The following GALNT13 variants were observed in gnomAD, a reference collection of about 807,000 sequenced individuals.
The protein encoded by GALNT13 is UDP-GalNAc:polypeptide N-acetylgalactosaminyltransferase 13.
In GALNT13, 28 loss-of-function variants were observed where a neutral mutation model predicts 64.2. The observed-to-expected ratio is 0.44, with a 90% CI of 0.32 to 0.60. The LOEUF (loss-of-function observed/expected upper bound fraction) is 0.60, where lower values mean the gene tolerates loss of function less well. GALNT13 is among the 20% of genes least tolerant of loss of function. The probability of loss-of-function intolerance (pLI) is 0.05; values close to 1 mark genes in which losing one functional copy is unlikely to be tolerated. For synonymous variants in GALNT13, 214 were observed against 224.6 expected (o/e 0.95, Z 0.42); for missense variants, 577 against 669.8 (o/e 0.86, Z 1.53).
intron 4 of GALNT13, among the ~76,000 whole-genome samples, chr2:154,152,715 G>C (rs1684123410): frequency 6.6e-6 from 1 of 152,054 alleles, no homozygotes; most frequent in South Asian, 2.1e-4. Context: ...TCTTCCAGTT[G>C]ATCGCATCGG....
intron 2 of GALNT13, among the ~76,000 whole-genome samples, chr2:153,923,121 A>G (rs776823860): frequency 1.8e-4 from 28 of 152,098 alleles, no homozygotes; most frequent in Non-Finnish European, 3.8e-4. Context: ...GCTGGTCTCA[A>G]ACTCCTGACC....
Position 154,102,436 on chromosome 2 carries a change from C to T in GALNT13, c.143-37901C>T, listed in dbSNP as rs561686629. Reference sequence around the variant, plus strand: ...GACTACGTGACAACTTTAGTGCTAGCATAATTAGCATTTAAGAAAACCAGT... The same window carrying T: ...GACTACGTGACAACTTTAGTGCTAGTATAATTAGCATTTAAGAAAACCAGT... On this transcript the variant is annotated intron_variant, in intron 3 of 12. Transcript: ENST00000392825. 3.3e-5 allele frequency among the ~76,000 whole-genome samples: 5 copies of T among 152,226 alleles called. No homozygotes were observed. In the East Asian group the frequency reaches 9.7e-4, roughly 30 times the overall value.
intron 3 of GALNT13, among the ~76,000 whole-genome samples, chr2:154,138,184 T>A (rs1238465212): frequency 1.3e-5 from 2 of 152,116 alleles, no homozygotes; most frequent in African/African-American, 4.8e-5. Flanking sequence ...ACTGACAATT[T>A]ATTATTCTTT....
the GALNT13 span, among the ~76,000 whole-genome samples, chr2:153,806,084 T>A: frequency 6.6e-6 from 1 of 152,068 alleles, no homozygotes; most frequent in Non-Finnish European, 1.5e-5. Context: ...GACATCCAGG[T>A]AGTCTTAAAA....
At chr2:154,176,240 ATTATT>A (rs1685642038) in intron 4 of GALNT13, among the ~76,000 whole-genome samples, 2 of 132,750 alleles carry the variant, frequency 1.5e-5, no homozygotes, top group South Asian at 2.6e-4. Flanking sequence ...GAACATATAT[ATTATT>A]TATTTATTTA....
chr2:153,422,602 C>A, the GALNT13 span, among the ~76,000 whole-genome samples: 1 of 151,968 alleles, frequency 6.6e-6, no homozygotes, highest in African/African-American at 2.4e-5. Flanking sequence ...AAAGTTAATT[C>A]TTTTAAATAA....
chr2:153,623,364 GAAATATA>G, the GALNT13 span, among the ~76,000 whole-genome samples: 1 of 152,178 alleles, frequency 6.6e-6, no homozygotes, highest in East Asian at 1.9e-4. Context: ...TTAGCTTCTT[GAAATATA>G]AAATTGTAGT....
the GALNT13 span, among the ~76,000 whole-genome samples, chr2:153,520,472 G>GATTT: frequency 1.3e-5 from 2 of 152,144 alleles, no homozygotes; most frequent in Non-Finnish European, 2.9e-5. Flanking sequence ...AGAATCTAAA[G>GATTT]ATTTATTCAA....
the GALNT13 span, among the ~76,000 whole-genome samples, chr2:153,831,403 T>C: frequency 1.3e-5 from 2 of 152,320 alleles, no homozygotes; most frequent in East Asian, 3.9e-4. Context: ...TGGGGCTTGC[T>C]TCTTCTCATC....
At chr2:154,358,701 T>C (rs10175148) in intron 9 of GALNT13, among the ~76,000 whole-genome samples, 87,998 of 151,862 alleles carry the variant, frequency 0.58, 25,968 homozygotes, top group East Asian at 0.67. Flanking sequence ...GCTAATTTGA[T>C]TTACAAATGC....
At chr2:153,446,232 A>C in the GALNT13 span, among the ~76,000 whole-genome samples, 2 of 152,204 alleles carry the variant, frequency 1.3e-5, no homozygotes, top group South Asian at 4.1e-4. Flanking sequence ...GGCAGACATT[A>C]GTTTTGGTCA....
chr2:153,343,074 A>T, the GALNT13 span, among the ~76,000 whole-genome samples: 6 of 152,220 alleles, frequency 3.9e-5, no homozygotes, highest in Non-Finnish European at 8.8e-5. Flanking sequence ...CAAAATGTGT[A>T]ACGTTTGTCA....
chr2:153,864,496 T>C, the GALNT13 span, among the ~76,000 whole-genome samples: 6 of 152,162 alleles, frequency 3.9e-5, no homozygotes, highest in Non-Finnish European at 8.8e-5. Context: ...ATGCTTGTGA[T>C]TTTTGCACAT....
the GALNT13 span, among the ~76,000 whole-genome samples, chr2:153,203,634 A>G: frequency 3.3e-5 from 5 of 152,200 alleles, no homozygotes; most frequent in Non-Finnish European, 7.4e-5. Context: ...CACACTGTTA[A>G]TCTCTATGCT....
the GALNT13 span, among the ~76,000 whole-genome samples, chr2:153,275,837 G>GA: frequency 5.3e-5 from 8 of 150,582 alleles, no homozygotes; most frequent in South Asian, 2.1e-4. Flanking sequence ...TTGAAGAACA[G>GA]AAAAAAAAAG....
At chr2:153,306,417 A>G in the GALNT13 span, among the ~76,000 whole-genome samples, 2 of 152,218 alleles carry the variant, frequency 1.3e-5, no homozygotes, top group African/African-American at 4.8e-5. Context: ...GAAAATTTAG[A>G]ATTCAGTTTT....
chr2:154,443,576 A>C (rs1381178444), intron 12 of GALNT13, among the ~76,000 whole-genome samples: 1 of 152,068 alleles, frequency 6.6e-6, no homozygotes, highest in Non-Finnish European at 1.5e-5. Context: ...TCTTAAATCA[A>C]CTATGCAGTC....
In GALNT13 at chr2:154,416,025, G is replaced by A. The variant is rs188546617; in HGVS notation, c.1395+6943G>A. ...ATACATGCAAGCTAGAAGAAAGCAG[G>A]GTTACCACAACTTCTATAGAAACAG... is the stretch of plus-strand genomic sequence containing the variant. On this transcript the variant is annotated intron_variant, in intron 11 of 12. Transcript: ENST00000392825. 2.2e-4 allele frequency among the ~76,000 whole-genome samples: 33 copies of A among 152,126 alleles called. No homozygotes were observed. In the East Asian group the frequency reaches 4.7e-3, roughly 21 times the overall value.
chr2:153,377,028 G>A, the GALNT13 span, among the ~76,000 whole-genome samples: 1 of 152,096 alleles, frequency 6.6e-6, no homozygotes, highest in South Asian at 2.1e-4. Flanking sequence ...TGTATTTGGA[G>A]ATAAAGTCTT....
Sources: gnomAD v4.1 joint callset for allele counts (sites outside exome capture counted in the v4.1 genomes callset) on GRCh38, gnomAD v4.1.1 for gene constraint, MANE v1.5 for transcripts, NCBI Gene and HGNC (gene_info 2026-07-23, HGNC 2026-07-21) for gene names.